The following MCTP1 variants were observed in gnomAD, a reference collection of about 807,000 sequenced individuals.
MCTP1 encodes the protein multiple C2 and transmembrane domain containing 1.
Under a neutral mutation model 120.6 loss-of-function variants are expected in MCTP1, and 69 were observed. The ratio of observed to expected loss-of-function variants is 0.57; its 90% CI spans 0.47 to 0.70. The LOEUF (loss-of-function observed/expected upper bound fraction) is 0.70. Among genes scored for constraint, MCTP1 ranks in the 30% least tolerant of loss-of-function variants. The pLI is 0.00. For missense variants in MCTP1, 1,203 were observed against 1,248.8 expected (o/e 0.96, Z 0.55); for synonymous variants, 529 against 493.1 (o/e 1.07, Z -0.96).
chr5:95,050,737 A>G (rs1209992830), intron 1 of MCTP1, among the ~76,000 whole-genome samples: 1 of 152,216 alleles, frequency 6.6e-6, no homozygotes, highest in East Asian at 1.9e-4. Context: ...GTTAAATTAT[A>G]TCTCACAAAA....
chr5:94,715,109 C>T (rs953076516), intron 19 of MCTP1, among the ~76,000 whole-genome samples: 2 of 152,018 alleles, frequency 1.3e-5, no homozygotes, highest in Non-Finnish European at 2.9e-5. Flanking sequence ...GGCTGCAAAG[C>T]AAGAGCCTCG....
At chr5:95,258,015 C>T (rs1758074937) in intron 1 of MCTP1, among the ~76,000 whole-genome samples, 1 of 152,180 alleles carries the variant, frequency 6.6e-6, no homozygotes. Context: ...AGAGAATAGA[C>T]AACTCTGTGC....
At chr5:94,892,642 G>T (rs958080790) in intron 11 of MCTP1, among the ~76,000 whole-genome samples, 1 of 152,202 alleles carries the variant, frequency 6.6e-6, no homozygotes, top group Non-Finnish European at 1.5e-5. Flanking sequence ...CAACAGCAAT[G>T]GAGGGCTTTT....
intron 1 of MCTP1, among the ~76,000 whole-genome samples, chr5:95,142,195 G>A (rs1759986419): frequency 6.6e-6 from 1 of 152,004 alleles, no homozygotes; most frequent in African/African-American, 2.4e-5. Context: ...AATTATTAGG[G>A]ATTTTAACAA....
intron 1 of MCTP1, among the ~76,000 whole-genome samples, chr5:95,157,326 C>T (rs904944742): frequency 1.3e-5 from 2 of 152,022 alleles, no homozygotes; most frequent in Non-Finnish European, 2.9e-5. Flanking sequence ...ATAGAAGGTC[C>T]TGAAAAGCTA....
intron 1 of MCTP1, among the ~76,000 whole-genome samples, chr5:95,264,328 A>G (rs1432329674): frequency 6.6e-6 from 1 of 152,222 alleles, no homozygotes. Flanking sequence ...CTTTTCAAAT[A>G]CTAAAATCCA....
chr5:95,109,391 T>A (rs557042393), intron 1 of MCTP1, among the ~76,000 whole-genome samples: 2 of 152,238 alleles, frequency 1.3e-5, no homozygotes, highest in Non-Finnish European at 2.9e-5. Context: ...ATCCTTTCTC[T>A]GAATCTAAAT....
At chr5:94,946,812 G>A (rs1017145364) in intron 3 of MCTP1, among the ~76,000 whole-genome samples, 4 of 152,138 alleles carry the variant, frequency 2.6e-5, no homozygotes, top group African/African-American at 9.7e-5. Flanking sequence ...GACCACCCAC[G>A]TGGACATTCC....
chr5:95,228,516 G>T (rs1453503312), intron 1 of MCTP1, among the ~76,000 whole-genome samples: 1 of 151,868 alleles, frequency 6.6e-6, no homozygotes, highest in Admixed American at 6.6e-5. Flanking sequence ...ACAGTTCCAT[G>T]GGGTCACCAG....
chr5:95,094,191 G>T (rs1185919878), intron 1 of MCTP1, among the ~76,000 whole-genome samples: 4 of 152,168 alleles, frequency 2.6e-5, no homozygotes, highest in Admixed American at 2.6e-4. Flanking sequence ...TAGGTAACTG[G>T]AGTACCTTTT....
chr5:94,850,236 T>TA (rs775130291), intron 17 of MCTP1, among the ~76,000 whole-genome samples: 2 of 152,110 alleles, frequency 1.3e-5, no homozygotes, highest in Non-Finnish European at 2.9e-5. Context: ...CTCCCACCTA[T>TA]ATGGGGTCAC....
At chr5:94,899,862 C>T (rs1411379792) in intron 10 of MCTP1, among the ~76,000 whole-genome samples, 2 of 152,140 alleles carry the variant, frequency 1.3e-5, no homozygotes, top group African/African-American at 4.8e-5. Context: ...CTTTCTTTCT[C>T]ACTCTCACTG....
intron 1 of MCTP1, among the ~76,000 whole-genome samples, chr5:95,213,523 C>T (rs1752654679): frequency 6.6e-6 from 1 of 151,992 alleles, no homozygotes; most frequent in South Asian, 2.1e-4. Flanking sequence ...CTTGAAAGTT[C>T]ATATGGAAAC....
chr5:94,973,047 A>G (rs754446920), intron 2 of MCTP1, among the ~76,000 whole-genome samples: 1 of 152,096 alleles, frequency 6.6e-6, no homozygotes, highest in East Asian at 1.9e-4. Context: ...TAGCCCTGTG[A>G]GTTGGGTTAA....
intron 1 of MCTP1, among the ~76,000 whole-genome samples, chr5:95,152,942 G>A (rs755154764): frequency 1.3e-4 from 20 of 152,144 alleles, no homozygotes; most frequent in Non-Finnish European, 2.4e-4. Flanking sequence ...AAGGGGAAAT[G>A]GGCACAGAGT....
intron 2 of MCTP1, among the ~76,000 whole-genome samples, chr5:94,973,161 G>A (rs995227772): frequency 6.6e-6 from 1 of 152,200 alleles, no homozygotes; most frequent in Non-Finnish European, 1.5e-5. Context: ...AGATTAGGCT[G>A]CTTGACCTGG....
At chr5:95,061,406 GGGTTTTTTTTTTTTTTTTTTTTTTTT>G in intron 1 of MCTP1, among the ~76,000 whole-genome samples, 1 of 73,098 alleles carries the variant, frequency 1.4e-5, no homozygotes, top group East Asian at 3.7e-4. Flanking sequence ...AACCCCTTAA[GGGTTTTTTTTTTTTTTTTTTTTTTTT>G]TTTTTTTTTT....
At chr5:94,866,726 T>G (rs897834607) in intron 17 of MCTP1, among the ~76,000 whole-genome samples, 4 of 151,632 alleles carry the variant, frequency 2.6e-5, no homozygotes, top group African/African-American at 9.7e-5. Context: ...ACCTAAGTTG[T>G]TCAGAATTCC....
At chr5:95,085,385 T>C (rs1272032576) in intron 1 of MCTP1, among the ~76,000 whole-genome samples, 1 of 144,020 alleles carries the variant, frequency 6.9e-6, no homozygotes, top group Non-Finnish European at 1.5e-5. Flanking sequence ...ACAAATATAA[T>C]AGTGTATAGA....
Sources: allele counts gnomAD v4.1 joint callset (sites outside exome capture counted in the v4.1 genomes callset), GRCh38; gene constraint gnomAD v4.1.1; transcripts MANE v1.5; gene names NCBI Gene and HGNC (gene_info 2026-07-23, HGNC 2026-07-21).